Variants in DHX57 observed in about 807,000 individuals in gnomAD.
The protein encoded by DHX57 is DExH-box helicase 57, also known as putative ATP-dependent RNA helicase DHX57.
In DHX57, 105 loss-of-function variants were observed where a neutral mutation model predicts 156.2. The observed-to-expected ratio is 0.67, with a 90% CI of 0.57 to 0.79. The LOEUF (loss-of-function observed/expected upper bound fraction) is 0.79, where lower values mean the gene tolerates loss of function less well. Ranked by LOEUF, DHX57 falls within the 30% of genes least tolerant of loss-of-function variation. The pLI is 0.00. For missense variants in DHX57, 1,847 were observed against 1,661.9 expected, an observed-to-expected ratio of 1.11 and a Z score of -1.94; for synonymous variants, 704 against 595.6, an observed-to-expected ratio of 1.18 and a Z score of -2.65.
intron 12 of DHX57, among the ~76,000 whole-genome samples, chr2:38,841,115 GCC>G (rs1463821317): frequency 6.6e-6 from 1 of 152,180 alleles, no homozygotes; most frequent in Non-Finnish European, 1.5e-5. Context: ...GAGCCACCAT[GCC>G]CAACCTCAAA....
chr2:38,868,498 C>A, intron 1 of DHX57, 87 bp from the exon 2 acceptor site: 2 of 1,322,530 alleles, frequency 1.5e-6, no homozygotes, highest in Non-Finnish European at 2.1e-6. Context: ...ATATAGGCTA[C>A]TTTAAAGAAA....
chr2:38,840,596 A>G (rs1671944751), intron 12 of DHX57, among the ~76,000 whole-genome samples: 1 of 152,100 alleles, frequency 6.6e-6, no homozygotes. Context: ...CAAACAAAAA[A>G]CAGAACCAGA....
intron 1 of DHX57, 76 bp from the exon 2 acceptor site, chr2:38,868,487 A>G: frequency 1.4e-6 from 2 of 1,390,166 alleles, no homozygotes; most frequent in South Asian, 2.6e-5. Context: ...CAAACTTATG[A>G]ATATAGGCTA....
At chr2:38,840,663 A>T (rs942095247) in intron 12 of DHX57, among the ~76,000 whole-genome samples, 2 of 152,182 alleles carry the variant, frequency 1.3e-5, no homozygotes, top group African/African-American at 4.8e-5. Context: ...TGGCAGAGTC[A>T]TGTTTCCTGA....
chr2:38,837,625 G>T (rs144315224), intron 13 of DHX57, among the ~76,000 whole-genome samples: 3 of 33,994 alleles, frequency 8.8e-5, no homozygotes, highest in Non-Finnish European at 1.6e-4. Context: ...AAAAAAAAAA[G>T]ATAAAGACTT....
chr2:38,803,120 G>GT (rs1424596249), intron 22 of DHX57: 1 of 514,876 alleles, frequency 1.9e-6, no homozygotes. Flanking sequence ...TCACACTTGT[G>GT]TTTAAAAAAA....
At position 38,826,086 on chromosome 2, in the gene DHX57, A is replaced by G. The variant is rs780182174; in HGVS notation, c.2814-39T>C. 9 of 1,590,488 alleles carry G rather than the reference A, an allele frequency of 5.7e-6. No individual in the cohort carries two copies. In the East Asian group the frequency reaches 1.4e-4, roughly 24 times the overall value. On this transcript the variant is annotated intron_variant, in intron 15 of 23. Coordinates refer to ENST00000457308, the MANE Select transcript of DHX57 (RefSeq NM_198963.3). ...GAAAATATAAATTGAGTCATTTTAT[A>G]AAAACATGGCCAAGACTGCTTGCTA...
intron 1 of DHX57, among the ~76,000 whole-genome samples, chr2:38,873,699 T>C (rs1665459822): frequency 6.6e-6 from 1 of 152,262 alleles, no homozygotes; most frequent in African/African-American, 2.4e-5. Flanking sequence ...GCACTTATTA[T>C]GTGCCAGATC....
intron 17 of DHX57, among the ~76,000 whole-genome samples, 154 bp from the exon 18 acceptor site, chr2:38,819,298 C>A (rs1670699355): frequency 6.6e-6 from 1 of 152,130 alleles, no homozygotes; most frequent in African/African-American, 2.4e-5. Context: ...CCTCAGCCTC[C>A]CTGGTAGCTG....
At chr2:38,867,106 T>C (rs1665116245) in intron 2 of DHX57, 2 of 152,234 alleles carry the variant, frequency 1.3e-5, no homozygotes, top group South Asian at 4.1e-4. Context: ...CACAAATACT[T>C]ACCATTGTGT....
At chr2:38,855,739 G>C (rs917743265) in intron 7 of DHX57, among the ~76,000 whole-genome samples, 2 of 152,114 alleles carry the variant, frequency 1.3e-5, no homozygotes, top group Non-Finnish European at 2.9e-5. Flanking sequence ...TCTGCAATTT[G>C]TCCCTGCTAA....
Position 38,848,367 on chromosome 2 carries a change from G to A in DHX57, c.2066C>T (p.Ser689Leu), listed in dbSNP as rs1393876290. 3.1e-6 allele frequency: 5 copies of A among 1,608,290 alleles called. No homozygotes were observed. The highest frequency in any genetic ancestry group is 1.1e-5 in the South Asian group (1 of 89,494). The change falls in exon 10 of 24, where the codon TCG becomes TTG. Residue 689 changes from serine to leucine, a missense_variant. Ser to Leu is a moderately radical substitution (Grantham distance 145). Coordinates refer to ENST00000457308, the MANE Select transcript of DHX57 (RefSeq NM_198963.3). ...FLLLVLKDIV[S>L]QRPGLQVILM... ...AATAACTTGAAGACCTGGCCTCTGC[G>A]ATACAATGTCCTTCAAAACTAGCAG...
At chr2:38,848,181 G>C in intron 10 of DHX57, 88 bp downstream of exon 10, 2 of 1,280,148 alleles carry the variant, frequency 1.6e-6, no homozygotes, top group Non-Finnish European at 2.1e-6. Flanking sequence ...TCTAGAAAGA[G>C]GTATAAATAT....
At chr2:38,834,783 C>T (rs113843116) in intron 13 of DHX57, among the ~76,000 whole-genome samples, 22 of 152,184 alleles carry the variant, frequency 1.4e-4, no homozygotes, top group African/African-American at 4.8e-4. Flanking sequence ...ATAAATGAAT[C>T]CAGAGTAAGG....
chr2:38,868,420 G>T lies in DHX57; in HGVS notation c.-6-9C>A, dbSNP rs750640966. 8.1e-6 allele frequency: 13 copies of T among 1,609,012 alleles called. No individual in the cohort carries two copies. The Admixed American group carries it at 2.0e-4, about 25-fold the overall frequency. On this transcript the variant is annotated splice_polypyrimidine_tract_variant and intron_variant, in intron 1 of 23. Coordinates refer to ENST00000457308, the MANE Select transcript of DHX57 (RefSeq NM_198963.3). ...GAAGAACTCATTTTCACCTGCAAGAGAAAAAAATTAATGTAGACATCATAA... is the reference window on the plus strand; with the variant it reads ...GAAGAACTCATTTTCACCTGCAAGATAAAAAAATTAATGTAGACATCATAA...
rs934158169 is a variant in DHX57, at chr2:38,873,255, T to C, written c.-7+2532A>G. Among the ~76,000 whole-genome samples, 13 of 152,174 alleles carry C rather than the reference T, an allele frequency of 8.5e-5. 1 individual carries two copies. The highest frequency in any genetic ancestry group is 3.1e-4 in the African/African-American group (13 of 41,440). ...ATCTGTCCACCTTGGCCTCCCAAAG[T>C]GCAGGGATTACAGGCGTGAGCCACT... On this transcript the variant is annotated intron_variant, in intron 1 of 23. Transcript: ENST00000457308.
chr2:38,822,904 G>T, intron 17 of DHX57, 89 bp downstream of exon 17: 1 of 1,342,552 alleles, frequency 7.4e-7, no homozygotes, highest in Non-Finnish European at 9.8e-7. Flanking sequence ...TTTTTAGGGG[G>T]CTCACATGCC....
At chr2:38,828,013 C>A (rs1292814830) in intron 14 of DHX57, among the ~76,000 whole-genome samples, 1 of 152,092 alleles carries the variant, frequency 6.6e-6, no homozygotes, top group Non-Finnish European at 1.5e-5. Flanking sequence ...CCGGCCACCA[C>A]ACCCAGCTAA....
intron 12 of DHX57, among the ~76,000 whole-genome samples, chr2:38,842,449 C>T (rs1672058024): frequency 6.6e-6 from 1 of 152,070 alleles, no homozygotes; most frequent in Admixed American, 6.6e-5. Flanking sequence ...GTTAAATGTC[C>T]TCATTTTGAT....
Sources: allele counts gnomAD v4.1 joint callset (sites outside exome capture counted in the v4.1 genomes callset), GRCh38; gene constraint gnomAD v4.1.1; transcripts MANE v1.5; gene names NCBI Gene and HGNC (gene_info 2026-07-23, HGNC 2026-07-21).